Variants in AMMECR1 observed in about 807,000 individuals in gnomAD.
The protein encoded by AMMECR1 is nuclear protein AMMECR1.
Under a neutral mutation model 22.5 loss-of-function variants are expected in AMMECR1, and 3 were observed. The observed-to-expected ratio is 0.13, with a 90% CI of 0.06 to 0.35. The LOEUF is 0.35. Among genes scored for constraint, AMMECR1 ranks in the 10% least tolerant of loss-of-function variants. The pLI is 1.00. For missense variants in AMMECR1, 235 were observed against 278.7 expected (o/e 0.84, Z 1.12); for synonymous variants, 130 against 116.7 (o/e 1.11, Z -0.74).
At chrX:110,435,480 A>G (rs1212922040) in intron 1 of AMMECR1, among the ~76,000 whole-genome samples, 1 of 111,977 alleles carries the variant, frequency 8.9e-6, no homozygotes, top group Non-Finnish European at 1.9e-5. Context: ...AGGAGTCCTA[A>G]CACTTTAATT....
chrX:110,391,724 A>G (rs1345366559), intron 2 of AMMECR1, among the ~76,000 whole-genome samples: 4 of 112,304 alleles, frequency 3.6e-5, no homozygotes, highest in Non-Finnish European at 7.5e-5. Flanking sequence ...AAGCCATAAC[A>G]TGTGGATGAA....
intron 2 of AMMECR1, among the ~76,000 whole-genome samples, chrX:110,223,466 G>C (rs764829896): frequency 8.9e-6 from 1 of 112,031 alleles, no homozygotes; most frequent in African/African-American, 3.2e-5. Context: ...AGAAAAAAAT[G>C]TGTGGGTTTG....
chrX:110,408,684 G>A (rs1602979187), intron 2 of AMMECR1, among the ~76,000 whole-genome samples: 1 of 112,151 alleles, frequency 8.9e-6, no homozygotes, highest in Middle Eastern at 4.6e-3. Context: ...TTGTGATGTT[G>A]CTTTTGGAAT....
chrX:110,276,629 G>T (rs1477505854), intron 1 of AMMECR1, among the ~76,000 whole-genome samples: 1 of 111,474 alleles, frequency 9.0e-6, no homozygotes, highest in African/African-American at 3.3e-5. Flanking sequence ...GTTCAACAAG[G>T]GCTCACAACT....
intron 1 of AMMECR1, among the ~76,000 whole-genome samples, chrX:110,267,150 T>C (rs2067774095): frequency 8.9e-6 from 1 of 111,759 alleles, no homozygotes; most frequent in Admixed American, 9.5e-5. Context: ...AATAAACATA[T>C]GTGTGCATGT....
At chrX:110,315,615 T>G (rs2068044299) in intron 1 of AMMECR1, among the ~76,000 whole-genome samples, 1 of 112,591 alleles carries the variant, frequency 8.9e-6, no homozygotes, top group Admixed American at 9.4e-5. Context: ...ACTTTCCTTT[T>G]AAAATTCTTG....
intron 1 of AMMECR1, among the ~76,000 whole-genome samples, chrX:110,302,153 A>T (rs1045185353): frequency 1.8e-5 from 2 of 111,881 alleles, no homozygotes; most frequent in South Asian, 7.5e-4. Context: ...TGCATAAGAG[A>T]AAAAGATACC....
intron 1 of AMMECR1, among the ~76,000 whole-genome samples, chrX:110,292,710 A>G (rs2067915244): frequency 8.9e-6 from 1 of 112,420 alleles, no homozygotes. Flanking sequence ...GGAGAAATGA[A>G]TAGGTAGAGC....
intron 1 of AMMECR1, among the ~76,000 whole-genome samples, chrX:110,305,011 C>T (rs1199793191): frequency 1.8e-5 from 2 of 112,767 alleles, no homozygotes; most frequent in Non-Finnish European, 3.7e-5. Flanking sequence ...ATGAGTCCTA[C>T]AGACATCACT....
chrX:110,266,076 A>G (rs1205450463), intron 1 of AMMECR1, among the ~76,000 whole-genome samples: 1 of 111,017 alleles, frequency 9.0e-6, no homozygotes, highest in Non-Finnish European at 1.9e-5. Flanking sequence ...CCTACACTAA[A>G]GGTATTAAAA....
intron 2 of AMMECR1, among the ~76,000 whole-genome samples, chrX:110,222,603 C>A (rs764994568): frequency 2.2e-4 from 21 of 97,446 alleles, no homozygotes; most frequent in East Asian, 6.3e-4. Context: ...AAAAAAAAAA[C>A]CATATTATCC....
chrX:110,341,245 G>A (rs1214055894), intron 2 of AMMECR1, among the ~76,000 whole-genome samples: 1 of 112,182 alleles, frequency 8.9e-6, no homozygotes, highest in Non-Finnish European at 1.9e-5. Flanking sequence ...TACAGAAATA[G>A]GAGAAGTGAA....
intron 2 of AMMECR1, among the ~76,000 whole-genome samples, chrX:110,221,735 G>A (rs1043152106): frequency 9.0e-6 from 1 of 111,342 alleles, no homozygotes; most frequent in African/African-American, 3.3e-5. Context: ...AAAAGGAAGA[G>A]AAGATAGGAG....
intron 2 of AMMECR1, among the ~76,000 whole-genome samples, chrX:110,397,099 G>A (rs780884965): frequency 8.9e-6 from 1 of 111,908 alleles, no homozygotes; most frequent in African/African-American, 3.2e-5. Flanking sequence ...TCTGGGACAG[G>A]GCAAATGTGA....
In AMMECR1 at chrX:110,336,650, G is replaced by T. The variant is rs1364058318; in HGVS notation, c.-147-18801C>A. 3.6e-5 allele frequency among the ~76,000 whole-genome samples: 4 copies of T among 111,218 alleles called. No individual in the cohort carries two copies. The Admixed American group carries it at 3.8e-4, about 11-fold the overall frequency. ...GAATTGCTTGATCCCAGGAGGCAGA[G>T]GTTGCAGTGAACTCAGATCACCTGG... On this transcript the variant is annotated intron_variant, in intron 2 of 7. Transcript: ENST00000372057.
intron 1 of AMMECR1, among the ~76,000 whole-genome samples, chrX:110,439,615 TTGA>T (rs1221805628): frequency 8.9e-6 from 1 of 112,012 alleles, no homozygotes; most frequent in Non-Finnish European, 1.9e-5. Context: ...GTGCACAACA[TTGA>T]TGAACAGAAG....
rs2067362420 is a variant in AMMECR1 at position 110,194,790 on chromosome X, A to G, written c.*3730T>C. ...TAGCAATAAAAAACAAGGAAAACATATATTTGTATATAAAGGATCAATGCT... is the reference window on the plus strand; with the variant it reads ...TAGCAATAAAAAACAAGGAAAACATGTATTTGTATATAAAGGATCAATGCT... On this transcript the variant is annotated 3_prime_UTR_variant, in exon 6 of 6. Coordinates refer to ENST00000262844, the MANE Select transcript of AMMECR1 (RefSeq NM_015365.3). 8.9e-6 allele frequency: 1 copy of G among 111,890 alleles called. No individual in the cohort carries two copies. The highest frequency in any genetic ancestry group is 9.5e-5 in the Admixed American group (1 of 10,566). The allele number at this position is 111,890 out of a possible 1,213,427, so 9.2% of individuals were successfully genotyped here.
intron 3 of AMMECR1, among the ~76,000 whole-genome samples, chrX:110,213,830 A>T (rs1164261121): frequency 1.8e-5 from 2 of 111,428 alleles, no homozygotes; most frequent in Non-Finnish European, 3.8e-5. Flanking sequence ...TTCCACCCTT[A>T]TTCGTTGTAT....
chrX:110,215,531 G>A (rs2067469277), intron 3 of AMMECR1, among the ~76,000 whole-genome samples: 1 of 111,606 alleles, frequency 9.0e-6, no homozygotes, highest in Non-Finnish European at 1.9e-5. Context: ...TATGGGGGAT[G>A]GTCCTTCTAA....
Sources: gnomAD v4.1 joint callset for allele counts (sites outside exome capture counted in the v4.1 genomes callset) on GRCh38, gnomAD v4.1.1 for gene constraint, MANE v1.5 for transcripts, NCBI Gene and HGNC (gene_info 2026-07-23, HGNC 2026-07-21) for gene names.